Variants in MECOM observed in about 807,000 individuals in gnomAD.
MECOM encodes histone-lysine N-methyltransferase MECOM.
Under a neutral mutation model 116.3 loss-of-function variants are expected in MECOM, and 13 were observed. The observed-to-expected ratio is 0.11, with a 90% CI of 0.07 to 0.18. The LOEUF (loss-of-function observed/expected upper bound fraction) is 0.18, where lower values mean the gene tolerates loss of function less well. Ranked by LOEUF, MECOM falls within the 10% of genes least tolerant of loss-of-function variation. The pLI, the probability that MECOM is intolerant of heterozygous loss-of-function variation, is 1.00. For synonymous variants in MECOM, 528 were observed against 535.2 expected, an observed-to-expected ratio of 0.99 and a Z score of 0.19; for missense variants, 1,299 against 1,509.0, an observed-to-expected ratio of 0.86 and a Z score of 2.31.
chr3:169,216,295 T>G (rs1751413142), intron 2 of MECOM, among the ~76,000 whole-genome samples: 1 of 152,224 alleles, frequency 6.6e-6, no homozygotes, highest in Non-Finnish European at 1.5e-5. Flanking sequence ...AACTACTTTT[T>G]TTCTCACTAG....
At chr3:169,281,300 G>A (rs553154844) in intron 2 of MECOM, among the ~76,000 whole-genome samples, 5 of 152,190 alleles carry the variant, frequency 3.3e-5, no homozygotes, top group Middle Eastern at 6.8e-3. Context: ...TAGAAATAGC[G>A]GGACCCTGGT....
At chr3:169,130,464 C>T (rs1433774180) in intron 4 of MECOM, among the ~76,000 whole-genome samples, 1 of 150,366 alleles carries the variant, frequency 6.7e-6, no homozygotes, top group Non-Finnish European at 1.5e-5. Flanking sequence ...CCCCCGCCCC[C>T]GCCGCCAGCC....
intron 2 of MECOM, among the ~76,000 whole-genome samples, chr3:169,292,053 G>C (rs1451904395): frequency 1.3e-5 from 2 of 152,164 alleles, no homozygotes; most frequent in Non-Finnish European, 2.9e-5. Flanking sequence ...TTGGCGTTTT[G>C]TATTTTAAAG....
chr3:169,639,820 A>T (rs995376932), intron 1 of MECOM, among the ~76,000 whole-genome samples: 1 of 152,254 alleles, frequency 6.6e-6, no homozygotes, highest in African/African-American at 2.4e-5. Flanking sequence ...TATACCTATG[A>T]CATGCACTAT....
intron 1 of MECOM, among the ~76,000 whole-genome samples, chr3:169,627,855 G>T (rs1031800908): frequency 2.0e-5 from 3 of 152,210 alleles, no homozygotes; most frequent in African/African-American, 7.2e-5. Flanking sequence ...AAGAGGACAA[G>T]AATTAATTTA....
At chr3:169,273,929 T>TTTTG (rs1491381971) in intron 2 of MECOM, among the ~76,000 whole-genome samples, 1 of 149,670 alleles carries the variant, frequency 6.7e-6, no homozygotes, top group African/African-American at 2.5e-5. Context: ...TTTTTTTTTT[T>TTTTG]GAGATGGAGT....
intron 2 of MECOM, among the ~76,000 whole-genome samples, chr3:169,151,447 T>A (rs1741156898): frequency 6.6e-6 from 1 of 152,244 alleles, no homozygotes; most frequent in Non-Finnish European, 1.5e-5. Context: ...TTTGGGTTTC[T>A]TGAGGTGGCT....
chr3:169,511,348 T>G (rs1389895828), intron 1 of MECOM, among the ~76,000 whole-genome samples: 1 of 152,196 alleles, frequency 6.6e-6, no homozygotes, highest in Non-Finnish European at 1.5e-5. Context: ...CTCAATGAGG[T>G]CGAAGTATTT....
At chr3:169,245,253 GA>G (rs1755436277) in intron 2 of MECOM, among the ~76,000 whole-genome samples, 1 of 152,042 alleles carries the variant, frequency 6.6e-6, no homozygotes. Flanking sequence ...TGAAATATGC[GA>G]AAAACAACAG....
intron 2 of MECOM, chr3:169,147,363 C>T (rs10936575): frequency 0.63 from 618,919 of 985,200 alleles, 195,744 homozygotes; most frequent in African/African-American, 0.79. Flanking sequence ...GCTCAGCCGC[C>T]GGGTTTCTAT....
chr3:169,594,142 C>T (rs1766787801), intron 1 of MECOM, among the ~76,000 whole-genome samples: 1 of 94,216 alleles, frequency 1.1e-5, no homozygotes, highest in African/African-American at 5.8e-5. Flanking sequence ...AACGACAACA[C>T]CACCACCACC....
chr3:169,585,119 T>A (rs1765630356), intron 1 of MECOM, among the ~76,000 whole-genome samples: 1 of 151,958 alleles, frequency 6.6e-6, no homozygotes, highest in African/African-American at 2.4e-5. Context: ...CCAATAGAGG[T>A]TATGGATTAG....
At chr3:169,513,570 A>G (rs1454168432) in intron 1 of MECOM, among the ~76,000 whole-genome samples, 1 of 152,232 alleles carries the variant, frequency 6.6e-6, no homozygotes, top group Non-Finnish European at 1.5e-5. Context: ...CGGAATTTCT[A>G]TCAATTAGCA....
At chr3:169,333,877 T>C (rs1338572221) in intron 2 of MECOM, among the ~76,000 whole-genome samples, 5 of 143,896 alleles carry the variant, frequency 3.5e-5, no homozygotes, top group Non-Finnish European at 7.5e-5. Flanking sequence ...TCCTTCCTTC[T>C]CTCCTTCCTT....
intron 1 of MECOM, among the ~76,000 whole-genome samples, chr3:169,451,556 CTG>C (rs2108668828): frequency 6.6e-6 from 1 of 152,268 alleles, no homozygotes; most frequent in South Asian, 2.1e-4. Context: ...ATGTCATCAA[CTG>C]TGGAAAAATG....
chr3:169,366,257 G>C (rs1410616686), intron 2 of MECOM, among the ~76,000 whole-genome samples: 1 of 151,876 alleles, frequency 6.6e-6, no homozygotes, highest in Non-Finnish European at 1.5e-5. Context: ...CTCCATCTGT[G>C]CTCCTACTGT....
chr3:169,646,228 T>C (rs559769302), intron 1 of MECOM, among the ~76,000 whole-genome samples: 1 of 148,644 alleles, frequency 6.7e-6, no homozygotes, highest in South Asian at 2.1e-4. Context: ...AAACACCGCA[T>C]GTTCTCACTC....
At chr3:169,369,342 C>CTT (rs10661629) in intron 2 of MECOM, among the ~76,000 whole-genome samples, 1,197 of 86,872 alleles carry the variant, frequency 0.014, 100 homozygotes, top group African/African-American at 0.049. Context: ...TGATTGCAGC[C>CTT]TTTTTTTTTT....
chr3:169,161,716 C>T (rs1467576779), intron 2 of MECOM, among the ~76,000 whole-genome samples: 4 of 151,920 alleles, frequency 2.6e-5, no homozygotes, highest in Non-Finnish European at 4.4e-5. Context: ...GACACACTTC[C>T]GATAAACAGA....
Sources: allele counts gnomAD v4.1 joint callset (sites outside exome capture counted in the v4.1 genomes callset), GRCh38; gene constraint gnomAD v4.1.1; transcripts MANE v1.5; gene names NCBI Gene and HGNC (gene_info 2026-07-23, HGNC 2026-07-21).